PAK3: variants seen among roughly 807,000 people sequenced by gnomAD.
The protein encoded by PAK3 is p21 (RAC1) activated kinase 3.
In PAK3, 4 loss-of-function variants were observed where a neutral mutation model predicts 41.0. The observed-to-expected ratio is 0.10, with a 90% CI of 0.05 to 0.22. The LOEUF (loss-of-function observed/expected upper bound fraction) is 0.22. PAK3 is among the 10% of genes least tolerant of loss of function. The probability of loss-of-function intolerance (pLI) is 1.00; values close to 1 mark genes in which losing one functional copy is unlikely to be tolerated. For synonymous variants in PAK3, 146 were observed against 139.6 expected (o/e 1.05, Z -0.32); for missense variants, 205 against 409.9 (o/e 0.50, Z 4.32).
chrX:111,141,768 A>C (rs1334105149), intron 5 of PAK3, among the ~76,000 whole-genome samples: 1 of 112,213 alleles, frequency 8.9e-6, no homozygotes, highest in East Asian at 2.8e-4. Context: ...TTTCTTCCTT[A>C]GTAAGTGATA....
chrX:111,226,039 G>A lies in PAK3; in HGVS notation c.*5592G>A, dbSNP rs2094951254. On this transcript the variant is annotated 3_prime_UTR_variant, in exon 18 of 18. Transcript: ENST00000372007. ...TAAAAATACAAAATTAGCCGGGTGT[G>A]GTGGCGGGCGCCTGTAATCCCAGCT... 9.1e-6 allele frequency: 1 copy of A among 110,441 alleles called. No individual in the cohort carries two copies. The highest frequency in any genetic ancestry group is 4.0e-4 in the South Asian group (1 of 2,514). The allele number at this position is 110,441 out of a possible 1,213,427, so 9.1% of individuals were successfully genotyped here. A position where few individuals can be genotyped will look rare whatever the true frequency, so the allele number is the denominator to read the frequency against.
At chrX:111,161,436 G>A (rs569872972) in intron 8 of PAK3, among the ~76,000 whole-genome samples, 2 of 110,513 alleles carry the variant, frequency 1.8e-5, no homozygotes, top group Admixed American at 9.6e-5. Context: ...TTCTGATGGT[G>A]GTTTCTTTTG....
At chrX:111,196,397 A>C in intron 15 of PAK3, 47 bp from the exon 16 acceptor site, 1 of 1,033,187 alleles carries the variant, frequency 9.7e-7, no homozygotes, top group Non-Finnish European at 1.4e-6. Context: ...TATATTGTAA[A>C]AGGAAAATAA....
chrX:110,980,737 T>C (rs2091434194), intron 1 of PAK3, among the ~76,000 whole-genome samples: 1 of 111,963 alleles, frequency 8.9e-6, no homozygotes, highest in Non-Finnish European at 1.9e-5. Flanking sequence ...TGATTAGACA[T>C]AAAGAGCATA....
intron 1 of PAK3, among the ~76,000 whole-genome samples, chrX:110,976,787 T>G (rs1415951767): frequency 4.5e-5 from 5 of 111,017 alleles, no homozygotes; most frequent in African/African-American, 1.6e-4. Context: ...CCATAAAAAG[T>G]ATGAGTTCAT....
At chrX:110,974,946 T>C (rs761493544) in intron 1 of PAK3, among the ~76,000 whole-genome samples, 2 of 111,773 alleles carry the variant, frequency 1.8e-5, no homozygotes, top group Non-Finnish European at 3.8e-5. Flanking sequence ...AACTAGGTAT[T>C]GATGGAACAA....
chrX:111,124,579 C>T (rs890855676), intron 5 of PAK3, among the ~76,000 whole-genome samples: 4 of 112,100 alleles, frequency 3.6e-5, no homozygotes, highest in African/African-American at 1.3e-4. Context: ...TTAGTGCTAT[C>T]GAGAGTGTCA....
In PAK3 at chrX:111,026,537, A is replaced by G. The variant is rs748120428; in HGVS notation, c.-28+81909A>G. On this transcript the variant is annotated intron_variant, in intron 1 of 14. Coordinates refer to the PAK3 transcript ENST00000425146. ...TGACCAAGCTGAGATCAAATAAAGA[A>G]CTCAACCCCCTTCCCAATAGCTGTA... Among the ~76,000 whole-genome samples, 3 of 111,458 alleles carry G rather than the reference A, an allele frequency of 2.7e-5. No homozygotes were observed. In the East Asian group the frequency reaches 8.4e-4, roughly 31 times the overall value.
chrX:111,023,484 T>A lies in PAK3; in HGVS notation c.-28+78856T>A, dbSNP rs780481953. ...ATCTCCATACTGTCTTCCACAGTGG[T>A]TGAACTAATTTACACTCCCACCAAC... On this transcript the variant is annotated intron_variant, in intron 1 of 14. Transcript: ENST00000425146. Among the ~76,000 whole-genome samples, 138 of 112,365 alleles carry A rather than the reference T, an allele frequency of 1.2e-3. 1 individual carries two copies. Among genetic ancestry groups the A allele is most frequent in the African/African-American group, 4.3e-3 (134 of 30,942 alleles).
At chrX:111,055,236 G>A (rs1170058712) in intron 1 of PAK3, among the ~76,000 whole-genome samples, 2 of 112,069 alleles carry the variant, frequency 1.8e-5, no homozygotes, top group Non-Finnish European at 3.8e-5. Context: ...CATGAGGAAG[G>A]TTTTAACTCT....
At chrX:111,025,787 A>C (rs2092260530) in intron 1 of PAK3, among the ~76,000 whole-genome samples, 1 of 109,526 alleles carries the variant, frequency 9.1e-6, no homozygotes, top group South Asian at 4.0e-4. Context: ...TCCCTAAATC[A>C]TTTTATAAAG....
At chrX:110,952,209 T>C (rs1294850675) in intron 1 of PAK3, among the ~76,000 whole-genome samples, 1 of 112,033 alleles carries the variant, frequency 8.9e-6, no homozygotes, top group African/African-American at 3.2e-5. Flanking sequence ...TTTTGGTGTG[T>C]GCTTTAGGCC....
chrX:111,108,665 C>G (rs2093317955), intron 4 of PAK3, among the ~76,000 whole-genome samples: 1 of 112,337 alleles, frequency 8.9e-6, no homozygotes, highest in Non-Finnish European at 1.9e-5. Context: ...TGCCCCATGT[C>G]CATGGAAAAA....
At chrX:111,018,821 A>G (rs1005135884) in intron 1 of PAK3, among the ~76,000 whole-genome samples, 5 of 111,840 alleles carry the variant, frequency 4.5e-5, no homozygotes, top group Non-Finnish European at 9.4e-5. Flanking sequence ...GAGAACTCAC[A>G]CTTCTTAATT....
chrX:111,102,730 A>T (rs993447357), intron 3 of PAK3, among the ~76,000 whole-genome samples: 1 of 112,230 alleles, frequency 8.9e-6, no homozygotes. Flanking sequence ...TATGCAGACT[A>T]TGTAAATATT....
chrX:111,206,707 C>T (rs2094751982), intron 16 of PAK3, among the ~76,000 whole-genome samples: 1 of 112,191 alleles, frequency 8.9e-6, no homozygotes, highest in Non-Finnish European at 1.9e-5. Context: ...CCACATTGCT[C>T]ATTCAGCTAT....
At chrX:110,997,433 T>A (rs1364184463) in intron 1 of PAK3, among the ~76,000 whole-genome samples, 1 of 111,250 alleles carries the variant, frequency 9.0e-6, no homozygotes, top group Non-Finnish European at 1.9e-5. Flanking sequence ...CGAAGAAGGA[T>A]GATAGAAATG....
intron 11 of PAK3, among the ~76,000 whole-genome samples, chrX:111,185,576 A>C (rs915537717): frequency 9.0e-6 from 1 of 111,257 alleles, no homozygotes; most frequent in Non-Finnish European, 1.9e-5. Flanking sequence ...TTTTTATATA[A>C]GGTGTAAGGA....
At position 111,047,233 on chromosome X, in the gene PAK3, A is replaced by T. The variant is rs147293651; in HGVS notation, c.-27-75844A>T. On this transcript the variant is annotated intron_variant, in intron 1 of 14. Transcript: ENST00000425146. ...AATGCGTGAGGATGTGTGAGATAAA[A>T]AGAAGACTAAGACATAGTCCCCAAC... Among the ~76,000 whole-genome samples, 303 of 111,890 alleles carry T rather than the reference A, an allele frequency of 2.7e-3. 2 individuals carry two copies. In the East Asian group the frequency reaches 0.035, roughly 13 times the overall value.
Sources: allele counts gnomAD v4.1 joint callset (sites outside exome capture counted in the v4.1 genomes callset), GRCh38; gene constraint gnomAD v4.1.1; transcripts MANE v1.5; gene names NCBI Gene and HGNC (gene_info 2026-07-23, HGNC 2026-07-21).